The following AGBL1 variants were observed in gnomAD, a reference collection of about 807,000 sequenced individuals.
The protein encoded by AGBL1 is cytosolic carboxypeptidase 4.
In AGBL1, 130 loss-of-function variants were observed where a neutral mutation model predicts 118.9. The observed-to-expected ratio is 1.09, with a 90% CI of 0.95 to 1.26. The LOEUF is 1.26. Ranked by LOEUF, AGBL1 falls within the 50% of genes most tolerant of loss-of-function variation. The probability of loss-of-function intolerance (pLI) is 0.00; values close to 1 mark genes in which losing one functional copy is unlikely to be tolerated. For synonymous variants in AGBL1, 555 were observed against 478.9 expected, an observed-to-expected ratio of 1.16 and a Z score of -2.08; for missense variants, 1,584 against 1,298.1, an observed-to-expected ratio of 1.22 and a Z score of -3.38.
intron 21 of AGBL1, among the ~76,000 whole-genome samples, chr15:86,657,153 T>C (rs1370247693): frequency 1.3e-5 from 2 of 152,166 alleles, no homozygotes; most frequent in Non-Finnish European, 2.9e-5. Flanking sequence ...ACCATGCCCC[T>C]TCCACTAAGC....
chr15:86,439,889 C>T (rs2082041126), intron 18 of AGBL1, among the ~76,000 whole-genome samples: 2 of 152,132 alleles, frequency 1.3e-5, no homozygotes, highest in Admixed American at 6.5e-5. Flanking sequence ...ATCCTTATGT[C>T]AGAGCACAGA....
intron 22 of AGBL1, among the ~76,000 whole-genome samples, chr15:86,721,125 G>C (rs2086712967): frequency 6.6e-6 from 1 of 152,136 alleles, no homozygotes; most frequent in Non-Finnish European, 1.5e-5. Context: ...TAGAAAAAGA[G>C]GGAATCCTCC....
At chr15:86,305,425 C>A (rs574908813) in intron 17 of AGBL1, among the ~76,000 whole-genome samples, 1 of 152,094 alleles carries the variant, frequency 6.6e-6, no homozygotes, top group Non-Finnish European at 1.5e-5. Flanking sequence ...AAATCTAAAT[C>A]TCATCTATTG....
At chr15:86,222,806 T>C (rs143195537) in intron 5 of AGBL1, among the ~76,000 whole-genome samples, 27 of 152,342 alleles carry the variant, frequency 1.8e-4, no homozygotes, top group African/African-American at 6.0e-4. Context: ...TAGCATATTA[T>C]TAGGTACTTT....
intron 21 of AGBL1, among the ~76,000 whole-genome samples, chr15:86,572,449 G>T (rs1285668186): frequency 2.0e-5 from 3 of 152,136 alleles, no homozygotes; most frequent in Admixed American, 6.5e-5. Context: ...CTCTCCTGAC[G>T]GCTGGCAGCT....
chr15:86,886,494 T>C (rs1490904300), intron 22 of AGBL1, among the ~76,000 whole-genome samples: 1 of 152,184 alleles, frequency 6.6e-6, no homozygotes, highest in Non-Finnish European at 1.5e-5. Flanking sequence ...AAGAGAATTA[T>C]TCTGCCTTTC....
chr15:86,332,157 A>G (rs955085228), intron 17 of AGBL1, among the ~76,000 whole-genome samples: 2 of 152,224 alleles, frequency 1.3e-5, no homozygotes, highest in South Asian at 2.1e-4. Flanking sequence ...ACAGTAAAGA[A>G]GGACAAAAAA....
At chr15:86,441,298 T>TA (rs377608043) in intron 18 of AGBL1, among the ~76,000 whole-genome samples, 5 of 151,876 alleles carry the variant, frequency 3.3e-5, no homozygotes, top group Non-Finnish European at 2.9e-5. Flanking sequence ...TTACTTTTTT[T>TA]AAAAAAAATA....
chr15:86,630,961 C>G (rs1238950595), intron 21 of AGBL1: 1 of 160,242 alleles, frequency 6.2e-6, no homozygotes, highest in Non-Finnish European at 1.3e-5. Context: ...GGGCTGAGGC[C>G]TAAAATGGCG....
chr15:86,254,525 C>T (rs529639729), intron 7 of AGBL1, among the ~76,000 whole-genome samples: 41 of 152,308 alleles, frequency 2.7e-4, no homozygotes, highest in Middle Eastern at 3.4e-3. Flanking sequence ...TTAACTGTGA[C>T]GGAAGCATTG....
chr15:86,195,289 T>C (rs1032362469), intron 5 of AGBL1, among the ~76,000 whole-genome samples: 5 of 152,152 alleles, frequency 3.3e-5, no homozygotes, highest in Middle Eastern at 3.4e-3. Flanking sequence ...GAAGGGCATG[T>C]TGGGGGTGTT....
chr15:86,753,039 C>G (rs2077878824), intron 22 of AGBL1, among the ~76,000 whole-genome samples: 1 of 152,088 alleles, frequency 6.6e-6, no homozygotes, highest in Admixed American at 6.6e-5. Flanking sequence ...GTCCTATTTT[C>G]TCCTCCTTGA....
downstream of AGBL1, among the ~76,000 whole-genome samples, chr15:87,030,805 C>G (rs964701070): frequency 1.3e-5 from 2 of 151,942 alleles, no homozygotes; most frequent in African/African-American, 4.8e-5. Flanking sequence ...TTCACTCGGT[C>G]TATTTTTCCC....
At chr15:86,604,259 C>T (rs1300700437) in intron 21 of AGBL1, among the ~76,000 whole-genome samples, 2 of 152,048 alleles carry the variant, frequency 1.3e-5, no homozygotes, top group South Asian at 2.1e-4. Context: ...TTAACATTCT[C>T]ATTAAACAAC....
chr15:86,572,930 C>G (rs1398628176), intron 21 of AGBL1, among the ~76,000 whole-genome samples: 1 of 152,256 alleles, frequency 6.6e-6, no homozygotes, highest in East Asian at 1.9e-4. Flanking sequence ...TTTCTGCAAT[C>G]TAATAGAGCA....
At chr15:86,889,772 C>G (rs545391003) in intron 22 of AGBL1, among the ~76,000 whole-genome samples, 3 of 152,306 alleles carry the variant, frequency 2.0e-5, no homozygotes, top group African/African-American at 7.2e-5. Context: ...ACGTGTACCA[C>G]ATTTTCTTAA....
At position 86,562,207 on chromosome 15, in the gene AGBL1, C is replaced by T. The variant is rs148359636; in HGVS notation, c.2994+7670C>T. Among the ~76,000 whole-genome samples, 603 of 150,916 alleles carry T rather than the reference C, an allele frequency of 4.0e-3. 5 individuals are homozygous for T. Among genetic ancestry groups the T allele is most frequent in the African/African-American group, 0.014 (564 of 41,376 alleles). ...CAACACTATGTTGAATAGGAGGCAT[C>T]CCTGTCTTGTGCCAGTTTTCAAAGG... On this transcript the variant is annotated intron_variant, in intron 21 of 22. Transcript: ENST00000614907.
At chr15:86,973,729 A>T (rs542986753) in intron 23 of AGBL1, among the ~76,000 whole-genome samples, 22 of 151,764 alleles carry the variant, frequency 1.4e-4, no homozygotes, top group African/African-American at 4.3e-4. Context: ...TGAAAGGAGC[A>T]TTCTCTTGTG....
chr15:86,936,304 C>T (rs1303870656), intron 23 of AGBL1, among the ~76,000 whole-genome samples: 1 of 150,986 alleles, frequency 6.6e-6, no homozygotes, highest in Non-Finnish European at 1.5e-5. Flanking sequence ...AACAGATAAA[C>T]AAGAAAAAAA....
Sources: gnomAD v4.1 joint callset for allele counts (sites outside exome capture counted in the v4.1 genomes callset) on GRCh38, gnomAD v4.1.1 for gene constraint, MANE v1.5 for transcripts, NCBI Gene and HGNC (gene_info 2026-07-23, HGNC 2026-07-21) for gene names.